The following AP3B2 variants were observed in gnomAD, a reference collection of about 807,000 sequenced individuals.
The protein encoded by AP3B2 is AP-3 complex subunit beta-2.
In AP3B2, 50 loss-of-function variants were observed where a neutral mutation model predicts 126.9. The ratio of observed to expected loss-of-function variants is 0.39; its 90% CI spans 0.31 to 0.50. AP3B2 has a LOEUF of 0.50. AP3B2 is among the 20% of genes least tolerant of loss of function. AP3B2 has a pLI of 0.79. For synonymous variants in AP3B2, 541 were observed against 565.0 expected (o/e 0.96, Z 0.60); for missense variants, 1,177 against 1,426.4 (o/e 0.83, Z 2.82).
At position 82,709,708 on chromosome 15, in the gene AP3B2, G is replaced by A. The variant is rs971124040; in HGVS notation, c.-2C>T. The A allele has an allele frequency of 6.8e-7, 1 of 1,480,148 alleles. No individual in the cohort carries two copies. Among genetic ancestry groups the A allele is most frequent in the Non-Finnish European group, 9.0e-7 (1 of 1,115,666 alleles). 91.7% of individuals were successfully genotyped at this position (1,480,148 alleles called of 1,614,324 possible). ...GCTGTAGGCGGGGGCGGCCGACATG[G>A]GGCGGCCAGGGAGACTTCGCCGAGG... On this transcript the variant is annotated 5_prime_UTR_variant, in exon 1 of 27. Coordinates refer to ENST00000535359, the MANE Select transcript of AP3B2 (RefSeq NM_001278512.2).
rs1170583579 is a variant in AP3B2, at chr15:82,661,931, G to T, written c.2919-9C>A. ...ACTGTCGGGTCTGGGTGCTGGGAGGGGTGGGAGGAAACGGAGAAGAATTAA... is the reference window on the plus strand; with the variant it reads ...ACTGTCGGGTCTGGGTGCTGGGAGGTGTGGGAGGAAACGGAGAAGAATTAA... On this transcript the variant is annotated splice_polypyrimidine_tract_variant and intron_variant, in intron 24 of 26. Transcript: ENST00000535359. The T allele has an allele frequency of 2.5e-6, 4 of 1,611,628 alleles. No individual in the cohort carries two copies. The highest frequency in any genetic ancestry group is 1.1e-5 in the South Asian group (1 of 90,850).
In AP3B2 at chr15:82,662,811, G is replaced by A; in HGVS notation, c.2716C>T (p.His906Tyr). ...AAGTGGATGTGCACGGACACCATGT[G>A]GGGATCCCCGGAGAAAGGTTGGCGG... ...FSRQPFSGDP[H>Y]MVSVHIHFSN... The change falls in exon 23 of 27, where the codon CAC becomes TAC. Residue 906 changes from histidine to tyrosine, a missense_variant. Physicochemically the swap from His to Tyr is moderately conservative, Grantham distance 83 (BLOSUM62 2). This residue lies in a region of AP3B2 where 587 missense variants were observed against 571.3 expected (regional missense o/e 1.03). Coordinates refer to ENST00000535359, the MANE Select transcript of AP3B2 (RefSeq NM_001278512.2). 6.2e-7 allele frequency: 1 copy of A among 1,613,752 alleles called. No homozygotes were observed. The highest frequency in any genetic ancestry group is 8.5e-7 in the Non-Finnish European group (1 of 1,179,818).
At chr15:82,692,088 A>T in intron 1 of AP3B2, 2 of 1,495,782 alleles carry the variant, frequency 1.3e-6, no homozygotes, top group Non-Finnish European at 1.8e-6. Context: ...CATTCCTCCC[A>T]CCACGGGGCC....
intron 14 of AP3B2, among the ~76,000 whole-genome samples, chr15:82,670,754 A>C (rs750853274): frequency 1.2e-4 from 18 of 152,182 alleles, no homozygotes; most frequent in Non-Finnish European, 2.1e-4. Context: ...ATCAACAAAG[A>C]GACAAGCCAC....
intron 10 of AP3B2, among the ~76,000 whole-genome samples, chr15:82,679,495 C>T (rs193259732): frequency 1.6e-4 from 24 of 152,166 alleles, no homozygotes; most frequent in African/African-American, 5.8e-4. Flanking sequence ...CAGGTTACTT[C>T]ATTTATGAAG....
At chr15:82,691,521 C>T (rs2048531793) in intron 1 of AP3B2, among the ~76,000 whole-genome samples, 1 of 151,900 alleles carries the variant, frequency 6.6e-6, no homozygotes, top group Non-Finnish European at 1.5e-5. Flanking sequence ...TGTTTCTGAA[C>T]CAAAACCACA....
rs745844293 is a variant in AP3B2 at position 82,680,662 on chromosome 15, C to T, written c.865G>A (p.Ala289Thr). 53 of 1,580,006 alleles carry T rather than the reference C, an allele frequency of 3.4e-5. No individual in the cohort carries two copies. The East Asian group carries it at 4.5e-4, about 13-fold the overall frequency. The change falls in exon 8 of 27, where the codon GCC (alanine) becomes ACC (threonine). Residue 289 changes from alanine (A) to threonine (T), a missense_variant. Physicochemically the swap from Ala to Thr is moderately conservative, Grantham distance 58. This residue lies in a region of AP3B2 where 103 missense variants were observed against 101.4 expected (regional missense o/e 1.02). Transcript: ENST00000535359. The surrounding 1 kb of genome is among the most constrained non-coding windows in gnomAD (Gnocchi z 6.1). ...GAGSEETAAA[A>T]APSRKPYVMD... ...ACATAGGGCTTTCGGGAGGGGGCGG[C>T]CGCGGCGGCCGTCTCCTCAGACCCC...
At chr15:82,663,737 G>C (rs559048091) in intron 20 of AP3B2, 64 bp downstream of exon 20, 9 of 1,597,414 alleles carry the variant, frequency 5.6e-6, no homozygotes, top group Middle Eastern at 1.7e-4. Flanking sequence ...GTCTGGGCCT[G>C]GCCCAGAGGT....
In AP3B2 at chr15:82,688,261, T is replaced by C. The variant is rs143763844; in HGVS notation, c.360+475A>G. 2,394 of 606,866 alleles carry C rather than the reference T, an allele frequency of 3.9e-3. 7 individuals carry two copies. Among genetic ancestry groups the C allele is most frequent in the Non-Finnish European group, 5.6e-3 (1,899 of 339,540 alleles). 37.6% of individuals were successfully genotyped at this position (606,866 alleles called of 1,614,324 possible). A position where few individuals can be genotyped will look rare whatever the true frequency, so the allele number is the denominator to read the frequency against. ...GAAAAGCCCTTAGGGGGGAGACTTATACATGCACCTAACATATGTAAATCC... is the reference window on the plus strand; with the variant it reads ...GAAAAGCCCTTAGGGGGGAGACTTACACATGCACCTAACATATGTAAATCC... On this transcript the variant is annotated intron_variant, in intron 4 of 26. Coordinates refer to ENST00000535359, the MANE Select transcript of AP3B2 (RefSeq NM_001278512.2).
In AP3B2 at chr15:82,677,285, C is replaced by A; in HGVS notation, c.1477G>T (p.Asp493Tyr). 1 of 1,613,294 alleles carries A rather than the reference C, an allele frequency of 6.2e-7. No individual in the cohort carries two copies. Among genetic ancestry groups the A allele is most frequent in the Non-Finnish European group, 8.5e-7 (1 of 1,179,608 alleles). The change falls in exon 13 of 27, where the codon GAC becomes TAC. Residue 493 changes from aspartate to tyrosine, a missense_variant. Coordinates refer to ENST00000535359, the MANE Select transcript of AP3B2 (RefSeq NM_001278512.2). The part of the protein sequence containing the change: ...EIIKHLAKLT[D>Y]NIQVPMARAS... The stretch of plus-strand genomic sequence containing the variant: ...GGCTTCTCCCTCACCTGGATGTTGT[C>A]TGTAAGCTTTGCCAAGTGTTTGATG...
At position 82,709,817 on chromosome 15, in the gene AP3B2, C is replaced by A. The variant is rs2048855823; in HGVS notation, c.-111G>T. The A allele has an allele frequency of 2.5e-6, 2 of 811,188 alleles. No individual in the cohort carries two copies. The highest frequency in any genetic ancestry group is 7.8e-5 in the Admixed American group (2 of 25,598). The allele number at this position is 811,188 out of a possible 1,614,324, so 50.2% of individuals were successfully genotyped here. A position where few individuals can be genotyped will look rare whatever the true frequency, so the allele number is the denominator to read the frequency against. On this transcript the variant is annotated 5_prime_UTR_variant, in exon 1 of 27. Transcript: ENST00000535359. The stretch of plus-strand genomic sequence containing the variant: ...GTCCGGGCTGGCGAAGGCGGCGGCG[C>A]GGCAGGGGTTCAGCAGAGGCTGCAG...
Position 82,663,572 on chromosome 15 carries a change from C to A in AP3B2, c.2485G>T (p.Asp829Tyr), listed in dbSNP as rs752867810. Reference protein sequence around the residue: ...APATKEISLLDLEDFTPPSVQ... With the variant: ...APATKEISLLYLEDFTPPSVQ... ...CACCCAAACTCACAATCCTCTAGAT[C>A]AAGCAGGGAGATCTCCTTGGTTGCA... The change falls in exon 21 of 27, where the codon GAT becomes TAT. Residue 829 changes from aspartate (D) to tyrosine (Y), a missense_variant. Physicochemically the swap from Asp to Tyr is radical, Grantham distance 160 (BLOSUM62 -3). Coordinates refer to ENST00000535359, the MANE Select transcript of AP3B2 (RefSeq NM_001278512.2). 5.6e-6 allele frequency: 9 copies of A among 1,613,792 alleles called. No individual in the cohort carries two copies. The highest frequency in any genetic ancestry group is 7.6e-6 in the Non-Finnish European group (9 of 1,179,824).
chr15:82,684,603 C>T (rs2048396035), intron 4 of AP3B2, among the ~76,000 whole-genome samples: 1 of 152,188 alleles, frequency 6.6e-6, no homozygotes, highest in South Asian at 2.1e-4. Flanking sequence ...GCACCTCAAA[C>T]TTCTGGGTTC....
rs189438321 is a variant in AP3B2, at chr15:82,709,183, C to T, written c.113+411G>A. Among the ~76,000 whole-genome samples the T allele has an allele frequency of 8.6e-3, 1,304 of 152,184 alleles. 4 individuals carry two copies. Among genetic ancestry groups the T allele is most frequent in the Non-Finnish European group, 0.015 (1,019 of 68,004 alleles). Reference sequence around the variant, plus strand: ...TGCAAGTACATCCAGGGCCCGCCTTCCTGAAGAGGCCCCAGGCTCAAGCTC... The same window carrying T: ...TGCAAGTACATCCAGGGCCCGCCTTTCTGAAGAGGCCCCAGGCTCAAGCTC... On this transcript the variant is annotated intron_variant, in intron 1 of 26. Coordinates refer to ENST00000535359, the MANE Select transcript of AP3B2 (RefSeq NM_001278512.2).
At chr15:82,687,602 C>A (rs2048451381) in intron 4 of AP3B2, 1 of 152,176 alleles carries the variant, frequency 6.6e-6, no homozygotes, top group Admixed American at 6.5e-5. Context: ...CAAGTATTTA[C>A]TAAATGAATG....
intron 4 of AP3B2, among the ~76,000 whole-genome samples, chr15:82,682,163 T>C (rs1596183942): frequency 6.8e-6 from 1 of 147,776 alleles, no homozygotes; most frequent in Non-Finnish European, 1.5e-5. Context: ...GCGATTCTCC[T>C]GCCTCAGCCT....
chr15:82,675,384 C>A (rs999378603), intron 14 of AP3B2, among the ~76,000 whole-genome samples: 8 of 152,212 alleles, frequency 5.3e-5, no homozygotes, highest in Non-Finnish European at 1.0e-4. Context: ...GCCTACCTCA[C>A]CTTGAGCCTC....
rs778413295 is a variant in AP3B2, at chr15:82,659,990, G to A, written c.3017-7C>T. 5.0e-6 allele frequency: 8 copies of A among 1,613,620 alleles called. No individual in the cohort carries two copies. Among genetic ancestry groups the A allele is most frequent in the South Asian group, 4.4e-5 (4 of 91,064 alleles). ...TTCATGCCCATCAGCTTTCCTGGGG[G>A]TAGAGGTCGTGATGAGGGCAGAGGC... On this transcript the variant is annotated splice_polypyrimidine_tract_variant and splice_region_variant and intron_variant, in intron 25 of 26. Transcript: ENST00000535359.
chr15:82,659,951 T>G lies in AP3B2; in HGVS notation c.3049A>C (p.Lys1017Gln). 6.2e-7 allele frequency: 1 copy of G among 1,613,950 alleles called. No individual in the cohort carries two copies. Among genetic ancestry groups the G allele is most frequent in the East Asian group, 2.2e-5 (1 of 44,880 alleles). The change falls in exon 26 of 27, where the codon AAA (lysine) becomes CAA (glutamine). Residue 1017 changes from lysine to glutamine, a missense_variant. Coordinates refer to ENST00000535359, the MANE Select transcript of AP3B2 (RefSeq NM_001278512.2). Reference protein sequence around the residue: ...KLMGMNEITEKLMLPDTCRSD... With the variant: ...KLMGMNEITEQLMLPDTCRSD... ...CGACAGGTGTCTGGCAGCATGAGTT[T>G]CTCTGTGATCTCATTCATGCCCATC...
Sources: allele counts gnomAD v4.1 joint callset (sites outside exome capture counted in the v4.1 genomes callset), GRCh38; gene constraint gnomAD v4.1.1; regional missense constraint gnomAD v4.1.1; non-coding constraint Gnocchi (gnomAD v3.1); transcripts MANE v1.5; gene names NCBI Gene and HGNC (gene_info 2026-07-23, HGNC 2026-07-21).